The following RASSF5 variants were observed in gnomAD, a reference collection of about 807,000 sequenced individuals.
The protein encoded by RASSF5 is Ras association domain family member 5, also known as ras association domain-containing protein 5.
RASSF5 carries 25 observed loss-of-function variants against 40.5 expected under a neutral mutation model. The observed-to-expected ratio is 0.62, with a 90% CI of 0.45 to 0.86. The LOEUF is 0.86. RASSF5 is among the 40% of genes least tolerant of loss of function. The pLI, the probability that RASSF5 is intolerant of heterozygous loss-of-function variation, is 0.00. For missense variants in RASSF5, 521 were observed against 572.8 expected (o/e 0.91, Z 0.92); for synonymous variants, 246 against 252.4 (o/e 0.97, Z 0.24).
At chr1:206,524,688 A>T (rs1338341375) in intron 1 of RASSF5, among the ~76,000 whole-genome samples, 18 of 83,100 alleles carry the variant, frequency 2.2e-4, no homozygotes, top group African/African-American at 5.9e-4. Context: ...ATATATATTT[A>T]ATATATTATA....
intron 1 of RASSF5, among the ~76,000 whole-genome samples, chr1:206,532,092 A>C (rs1470007666): frequency 1.3e-5 from 2 of 152,100 alleles, no homozygotes; most frequent in Non-Finnish European, 2.9e-5. Flanking sequence ...GTAATTTTCC[A>C]ATGCATATTA....
At chr1:206,578,759 G>A (rs1243089366) in intron 2 of RASSF5, among the ~76,000 whole-genome samples, 2 of 152,116 alleles carry the variant, frequency 1.3e-5, no homozygotes, top group Admixed American at 6.6e-5. Flanking sequence ...ATTCCTGGGT[G>A]CCCTGGGCCC....
In RASSF5 at chr1:206,507,588, C is replaced by A. The variant is rs1230770540; in HGVS notation, c.-15C>A. 2 of 1,485,972 alleles carry A rather than the reference C, an allele frequency of 1.3e-6. No individual in the cohort carries two copies. The highest frequency in any genetic ancestry group is 2.9e-5 in the East Asian group (1 of 33,986). 92.0% of individuals were successfully genotyped at this position (1,485,972 alleles called of 1,614,324 possible). On this transcript the variant is annotated 5_prime_UTR_variant, in exon 1 of 6. Transcript: ENST00000579436. ...CCAAAGCCGCCGCTGCCAAAGCTGC[C>A]GCCACTAGCCGGGCATGGCCATGGC...
chr1:206,557,127 A>G (rs1553401867), intron 2 of RASSF5: 3 of 989,400 alleles, frequency 3.0e-6, no homozygotes, highest in Non-Finnish European at 3.6e-6. Flanking sequence ...GTGACAGCCG[A>G]GCCGGCTTTG....
rs1448701900 is a variant in RASSF5, at chr1:206,513,522, G to A, written c.457+5463G>A. Among the ~76,000 whole-genome samples the A allele has an allele frequency of 6.6e-6, 1 of 152,220 alleles. No homozygotes were observed. The highest frequency in any genetic ancestry group is 1.9e-4 in the East Asian group (1 of 5,204). On this transcript the variant is annotated intron_variant, in intron 1 of 5. Transcript: ENST00000579436. The surrounding 1 kb of genome is among the most constrained non-coding windows in gnomAD (Gnocchi z 5.0). The stretch of plus-strand genomic sequence containing the variant: ...CTTGCAGACCTGGGTCTGTGCTGGT[G>A]GCAGGATGCTTTCTGCCTCCCTGCA...
chr1:206,548,273 C>T (rs782013259), intron 2 of RASSF5, among the ~76,000 whole-genome samples: 15 of 152,114 alleles, frequency 9.9e-5, no homozygotes, highest in Non-Finnish European at 1.3e-4. Flanking sequence ...GTTCTGCAGA[C>T]GGTACAAGCA....
Position 206,579,709 on chromosome 1 carries a change from G to A in RASSF5, c.580-3560G>A, listed in dbSNP as rs1553405873. On this transcript the variant is annotated intron_variant, in intron 2 of 5. Coordinates refer to ENST00000579436, the MANE Select transcript of RASSF5 (RefSeq NM_182663.4). The surrounding 1 kb of genome is among the most constrained non-coding windows in gnomAD (Gnocchi z 4.2). ...ACTGCACCCCAGACCAATTAAATCA[G>A]AATCTCCAGGGATGAAGCCCAGGCA... Among the ~76,000 whole-genome samples the A allele has an allele frequency of 6.6e-6, 1 of 152,180 alleles. No homozygotes were observed. The highest frequency in any genetic ancestry group is 2.4e-5 in the African/African-American group (1 of 41,446).
intron 2 of RASSF5, among the ~76,000 whole-genome samples, chr1:206,545,835 G>T (rs1471374731): frequency 6.6e-6 from 1 of 151,388 alleles, no homozygotes; most frequent in Non-Finnish European, 1.5e-5. Flanking sequence ...TATATTTAAA[G>T]ATCATTTCTT....
chr1:206,585,442 T>C (rs1394277044), intron 5 of RASSF5, 147 bp downstream of exon 5: 6 of 653,770 alleles, frequency 9.2e-6, no homozygotes, highest in Middle Eastern at 3.7e-4. Context: ...GGGTGGGTGA[T>C]GGGCCTGGGG....
chr1:206,541,256 T>C (rs1374086128), intron 2 of RASSF5, among the ~76,000 whole-genome samples: 2 of 152,248 alleles, frequency 1.3e-5, no homozygotes, highest in East Asian at 3.8e-4. Context: ...AACCATTCTT[T>C]ATTAACATTT....
rs541820502 is a variant in RASSF5, at chr1:206,552,340, G to C, written c.579+14047G>C. ...TGGTTAAGGATGCTTCTCAGAGTCAGATGGAAGGTGTGGGAGGTATGGATG... is the reference window on the plus strand; with the variant it reads ...TGGTTAAGGATGCTTCTCAGAGTCACATGGAAGGTGTGGGAGGTATGGATG... On this transcript the variant is annotated intron_variant, in intron 2 of 5. Transcript: ENST00000579436. The surrounding 1 kb of genome is among the most constrained non-coding windows in gnomAD (Gnocchi z 4.1). Among the ~76,000 whole-genome samples, 1 of 152,244 alleles carries C rather than the reference G, an allele frequency of 6.6e-6. No homozygotes were observed. Among genetic ancestry groups the C allele is most frequent in the Non-Finnish European group, 1.5e-5 (1 of 68,046 alleles).
chr1:206,548,283 A>G (rs1265260539), intron 2 of RASSF5, among the ~76,000 whole-genome samples: 1 of 152,328 alleles, frequency 6.6e-6, no homozygotes, highest in East Asian at 1.9e-4. Flanking sequence ...CGGTACAAGC[A>G]TGGCACCAAC....
chr1:206,584,696 A>G lies in RASSF5; in HGVS notation c.988+12A>G, dbSNP rs1669035328. ...CAAGGACGGACAAGGTAGGAGAAAG[A>G]GTGAACCCAACCAGACCGTTCCCTT... On this transcript the variant is annotated intron_variant, in intron 4 of 5. Transcript: ENST00000579436. This position sits in a 1 kb window ranked among gnomAD's most constrained non-coding sequence, Gnocchi z 4.9. The G allele has an allele frequency of 1.2e-6, 2 of 1,614,028 alleles. No homozygotes were observed. The highest frequency in any genetic ancestry group is 2.2e-5 in the South Asian group (2 of 91,090).
intron 1 of RASSF5, among the ~76,000 whole-genome samples, chr1:206,523,475 A>G (rs1553396435): frequency 1.9e-5 from 2 of 107,840 alleles, no homozygotes; most frequent in African/African-American, 3.7e-5. Flanking sequence ...TATTTTATAT[A>G]CAATATATAA....
intron 2 of RASSF5, 57 bp downstream of exon 2, chr1:206,538,350 T>C: frequency 1.2e-6 from 2 of 1,601,030 alleles, no homozygotes; most frequent in Non-Finnish European, 1.7e-6. Context: ...TGCCCCGGGC[T>C]CCACTTTCTC....
At chr1:206,561,774 T>C (rs1486696640) in intron 2 of RASSF5, among the ~76,000 whole-genome samples, 1 of 149,220 alleles carries the variant, frequency 6.7e-6, no homozygotes, top group Non-Finnish European at 1.5e-5. Context: ...CAAGCAATTC[T>C]CCTGCCTCAG....
At chr1:206,576,284 G>C (rs1219358984) in intron 2 of RASSF5, among the ~76,000 whole-genome samples, 1 of 152,198 alleles carries the variant, frequency 6.6e-6, no homozygotes, top group African/African-American at 2.4e-5. Context: ...ATGGTAATTT[G>C]TACTTTTGCT....
At chr1:206,567,429 G>A (rs1172737095) in intron 2 of RASSF5, among the ~76,000 whole-genome samples, 2 of 152,188 alleles carry the variant, frequency 1.3e-5, no homozygotes. Context: ...GTGGGTGAAA[G>A]ATCCTGGTTT....
chr1:206,540,938 AG>A (rs1667530956), intron 2 of RASSF5, among the ~76,000 whole-genome samples: 1 of 152,032 alleles, frequency 6.6e-6, no homozygotes, highest in Non-Finnish European at 1.5e-5. Context: ...CTGTTGCCTA[AG>A]CTGGAGTGCA....
Sources: allele counts gnomAD v4.1 joint callset (sites outside exome capture counted in the v4.1 genomes callset), GRCh38; gene constraint gnomAD v4.1.1; non-coding constraint Gnocchi (gnomAD v3.1); transcripts MANE v1.5; gene names NCBI Gene and HGNC (gene_info 2026-07-23, HGNC 2026-07-21).